The following ANXA3 variants were observed in gnomAD, a reference collection of about 807,000 sequenced individuals.
ANXA3 encodes annexin A3.
Under a neutral mutation model 48.8 loss-of-function variants are expected in ANXA3, and 46 were observed. That is an observed-to-expected ratio of 0.94 (90% confidence interval 0.74 to 1.21). ANXA3 has a LOEUF of 1.21. Among genes scored for constraint, ANXA3 ranks in the 50% most tolerant of loss-of-function variants. The probability of loss-of-function intolerance (pLI) is 0.00; values close to 1 mark genes in which losing one functional copy is unlikely to be tolerated. For missense variants in ANXA3, 383 were observed against 378.6 expected, an observed-to-expected ratio of 1.01 and a Z score of -0.10; for synonymous variants, 128 against 134.7, an observed-to-expected ratio of 0.95 and a Z score of 0.35.
At chr4:78,583,183 A>C (rs79589659) in intron 5 of ANXA3, among the ~76,000 whole-genome samples, 6 of 12,170 alleles carry the variant, frequency 4.9e-4, no homozygotes, top group African/African-American at 3.9e-3. Context: ...TACAAAAAAT[A>C]AAAAAAAAAT....
At chr4:78,582,139 A>G (rs1425062255) in intron 4 of ANXA3, 38 bp from the exon 5 acceptor site, 3 of 1,381,096 alleles carry the variant, frequency 2.2e-6, no homozygotes, top group Non-Finnish European at 2.0e-6. Flanking sequence ...AGAGAAAAAA[A>G]GTATTTCACA....
At chr4:78,575,587 G>T (rs561970116) in intron 3 of ANXA3, among the ~76,000 whole-genome samples, 6 of 152,142 alleles carry the variant, frequency 3.9e-5, no homozygotes, top group Non-Finnish European at 5.9e-5. Flanking sequence ...TGATTGTGAG[G>T]CTTCCCCAGC....
chr4:78,582,339 C>A (rs1445685623), intron 5 of ANXA3, 49 bp downstream of exon 5: 2 of 1,317,208 alleles, frequency 1.5e-6, no homozygotes, highest in African/African-American at 1.5e-5. Context: ...ACCAAGTCAT[C>A]AAAAATAGTG....
At chr4:78,568,364 A>G (rs1225656223) in intron 2 of ANXA3, among the ~76,000 whole-genome samples, 2 of 152,224 alleles carry the variant, frequency 1.3e-5, no homozygotes, top group Non-Finnish European at 2.9e-5. Flanking sequence ...ATGACCCAAC[A>G]TAGCATCTTG....
At chr4:78,585,358 G>A (rs1723150669) in intron 5 of ANXA3, among the ~76,000 whole-genome samples, 1 of 152,118 alleles carries the variant, frequency 6.6e-6, no homozygotes, top group Non-Finnish European at 1.5e-5. Context: ...TTCACTTCCT[G>A]GCTAAAGAAG....
chr4:78,592,657 A>G (rs1480457675), intron 7 of ANXA3, among the ~76,000 whole-genome samples: 2 of 152,176 alleles, frequency 1.3e-5, no homozygotes, highest in East Asian at 3.8e-4. Flanking sequence ...CTAGCTTTGT[A>G]TATTTGGACA....
At chr4:78,594,556 A>G (rs77082435) in intron 7 of ANXA3, among the ~76,000 whole-genome samples, 3,294 of 152,284 alleles carry the variant, frequency 0.022, 119 homozygotes, top group African/African-American at 0.074. Flanking sequence ...TGGTGTTGTC[A>G]GTGTTTTGGA....
At chr4:78,552,842 G>A (rs188165967) in intron 1 of ANXA3, among the ~76,000 whole-genome samples, 1 of 152,318 alleles carries the variant, frequency 6.6e-6, no homozygotes, top group African/African-American at 2.4e-5. Context: ...ACCAGAAAGG[G>A]AATTTTTAAA....
chr4:78,565,257 C>T (rs997510052), intron 2 of ANXA3, among the ~76,000 whole-genome samples: 1 of 152,130 alleles, frequency 6.6e-6, no homozygotes, highest in Admixed American at 6.6e-5. Context: ...ACAGAGATTA[C>T]AGGTGTGAGT....
Position 78,601,546 on chromosome 4 carries a change from A to G in ANXA3, c.767A>G (p.Glu256Gly), listed in dbSNP as rs1162036700. 1 of 1,614,026 alleles carries G rather than the reference A, an allele frequency of 6.2e-7. No homozygotes were observed. The highest frequency in any genetic ancestry group is 8.5e-7 in the Non-Finnish European group (1 of 1,179,888). The change falls in exon 11 of 13, where the codon GAA becomes GGA. Residue 256 changes from glutamate (E) to glycine (G), a missense_variant. Coordinates refer to ENST00000264908, the MANE Select transcript of ANXA3 (RefSeq NM_005139.3). ...AGGAACACGCCGGCCTTTTTAGCCG[A>G]AAGACTGCATCGAGCCTTGAAGGTT... ...CVRNTPAFLA[E>G]RLHRALKGIG...
At chr4:78,588,690 C>T (rs1317502939) in intron 6 of ANXA3, among the ~76,000 whole-genome samples, 1 of 152,062 alleles carries the variant, frequency 6.6e-6, no homozygotes, top group Non-Finnish European at 1.5e-5. Context: ...GAAGCTGGAG[C>T]CAGTTGCTGC....
intron 12 of ANXA3, among the ~76,000 whole-genome samples, chr4:78,607,274 A>AT (rs1723666480): frequency 6.6e-6 from 1 of 152,200 alleles, no homozygotes; most frequent in African/African-American, 2.4e-5. Flanking sequence ...ATCTCATTAC[A>AT]TTTTTGCTAT....
chr4:78,597,534 C>A, intron 10 of ANXA3, 120 bp downstream of exon 10: 2 of 636,150 alleles, frequency 3.1e-6, no homozygotes, highest in Admixed American at 3.1e-5. Context: ...CTACAGCCCC[C>A]AACATGGTCC....
intron 7 of ANXA3, among the ~76,000 whole-genome samples, chr4:78,593,266 G>C (rs1174065840): frequency 3.3e-5 from 5 of 151,790 alleles, no homozygotes; most frequent in African/African-American, 7.3e-5. Context: ...GCTGTGGTGC[G>C]ATCTCGGCTC....
At chr4:78,563,903 A>G (rs1239691509) in intron 2 of ANXA3, among the ~76,000 whole-genome samples, 1 of 152,158 alleles carries the variant, frequency 6.6e-6, no homozygotes, top group Admixed American at 6.5e-5. Flanking sequence ...CACAGGGCTG[A>G]GTATGTGGCC....
chr4:78,572,719 T>C (rs1297743936), intron 2 of ANXA3, among the ~76,000 whole-genome samples: 1 of 152,196 alleles, frequency 6.6e-6, no homozygotes, highest in Admixed American at 6.5e-5. Context: ...ATAGTGATGC[T>C]ATCTGCAAGA....
At chr4:78,599,899 TG>T (rs1723500524) in intron 10 of ANXA3, among the ~76,000 whole-genome samples, 1 of 151,940 alleles carries the variant, frequency 6.6e-6, no homozygotes. Context: ...CACCAGAGCC[TG>T]AGTGACAAAA....
rs779448152 is a variant in ANXA3, at chr4:78,596,027, G to A, written c.634+140G>A. The stretch of plus-strand genomic sequence containing the variant: ...TATTCACACTTCAGGAAACAAAATG[G>A]GAAAGCTGTATTGTAACTCAAGGAA... On this transcript the variant is annotated intron_variant, in intron 9 of 12. Transcript: ENST00000264908. 1.2e-5 allele frequency: 7 copies of A among 607,578 alleles called. No homozygotes were observed. The South Asian group carries it at 1.4e-4, about 12-fold the overall frequency. The allele number at this position is 607,578 out of a possible 1,614,324, so 37.6% of individuals were successfully genotyped here.
intron 3 of ANXA3, among the ~76,000 whole-genome samples, chr4:78,574,612 A>G (rs1415420194): frequency 2.0e-4 from 30 of 152,236 alleles, no homozygotes; most frequent in Admixed American, 2.0e-3. Flanking sequence ...AAATGAAATC[A>G]TACTGTATAC....
Sources: allele counts gnomAD v4.1 joint callset (sites outside exome capture counted in the v4.1 genomes callset), GRCh38; gene constraint gnomAD v4.1.1; transcripts MANE v1.5; gene names NCBI Gene and HGNC (gene_info 2026-07-23, HGNC 2026-07-21).